HEATR3: variants seen among roughly 807,000 people sequenced by gnomAD.
The protein encoded by HEATR3 is HEAT repeat-containing protein 3.
A neutral mutation model predicts 72.8 loss-of-function variants in HEATR3; 56 were observed. The ratio of observed to expected loss-of-function variants is 0.77; its 90% CI spans 0.62 to 0.96. The LOEUF (loss-of-function observed/expected upper bound fraction) is 0.96. HEATR3 is among the 40% of genes least tolerant of loss of function. The pLI is 0.00. For missense variants in HEATR3, 747 were observed against 831.4 expected (o/e 0.90, Z 1.25); for synonymous variants, 331 against 318.1 (o/e 1.04, Z -0.43).
intron 11 of HEATR3, among the ~76,000 whole-genome samples, chr16:50,092,436 C>CTTTTTTTTTTTTTTTTTTTTTTTTTTTT (rs375532097): frequency 2.8e-5 from 3 of 106,028 alleles, no homozygotes; most frequent in African/African-American, 1.1e-4. Flanking sequence ...TTTCTTTTTT[C>CTTTTTTTTTTTTTTTTTTTTTTTTTTTT]TTTTTTTTTT....
At chr16:50,079,684 C>G (rs766257058) in intron 7 of HEATR3, among the ~76,000 whole-genome samples, 1 of 152,098 alleles carries the variant, frequency 6.6e-6, no homozygotes, top group East Asian at 1.9e-4. Flanking sequence ...AATAGGAAGA[C>G]GGGGCACAGT....
chr16:50,104,344 C>A (rs1567451935), intron 14 of HEATR3, among the ~76,000 whole-genome samples: 1 of 152,158 alleles, frequency 6.6e-6, no homozygotes, highest in African/African-American at 2.4e-5. Flanking sequence ...CAGAGAGAGA[C>A]CCTGTTCCAA....
chr16:50,086,433 T>C (rs2150612549), intron 11 of HEATR3, 82 bp downstream of exon 11: 1 of 1,405,326 alleles, frequency 7.1e-7, no homozygotes, highest in Non-Finnish European at 9.6e-7. Flanking sequence ...TAAATGTATA[T>C]TGTTTGTCAT....
chr16:50,080,839 G>T (rs1032968841), intron 7 of HEATR3, among the ~76,000 whole-genome samples: 3 of 152,050 alleles, frequency 2.0e-5, no homozygotes, highest in African/African-American at 7.2e-5. Context: ...TTTCAGCTGT[G>T]GGCACCATCC....
intron 12 of HEATR3, among the ~76,000 whole-genome samples, chr16:50,098,028 A>G (rs1470421956): frequency 6.6e-6 from 1 of 151,870 alleles, no homozygotes; most frequent in African/African-American, 2.4e-5. Context: ...TCATGTTGCC[A>G]TTGTTTCTAG....
rs1211563867 is a variant in HEATR3 at position 50,105,257 on chromosome 16, G to GT, written c.*197dup. 1 of 497,374 alleles carries GT rather than the reference G, an allele frequency of 2.0e-6. No homozygotes were observed. Among genetic ancestry groups the GT allele is most frequent in the Non-Finnish European group, 3.5e-6 (1 of 289,402 alleles). The allele number at this position is 497,374 out of a possible 1,614,324, so 30.8% of individuals were successfully genotyped here. Reference sequence around the variant, plus strand: ...CCAGCACCTTGGGAGACCGAGGCGGGTGGATCACTTGAGGTCAGGAGTTTG... The same window carrying GT: ...CCAGCACCTTGGGAGACCGAGGCGGGTTGGATCACTTGAGGTCAGGAGTTTG... On this transcript the variant is annotated 3_prime_UTR_variant, in exon 15 of 15. Transcript: ENST00000299192.
chr16:50,098,329 A>G (rs2150626129), intron 12 of HEATR3: 1 of 151,818 alleles, frequency 6.6e-6, no homozygotes, highest in Non-Finnish European at 1.5e-5. Flanking sequence ...TTGGTATACA[A>G]CCCCCCACGC....
chr16:50,092,492 A>C (rs1441125220), intron 11 of HEATR3, among the ~76,000 whole-genome samples: 1 of 127,438 alleles, frequency 7.8e-6, no homozygotes, highest in African/African-American at 3.1e-5. Flanking sequence ...GCTGGAGTGC[A>C]GTGGCGCGAT....
At chr16:50,077,446 C>T (rs770279530) in intron 6 of HEATR3, among the ~76,000 whole-genome samples, 1 of 152,202 alleles carries the variant, frequency 6.6e-6, no homozygotes, top group Non-Finnish European at 1.5e-5. Context: ...TGAGCCACAG[C>T]ACCCAGCCTT....
Position 50,070,211 on chromosome 16 carries a change from C to G in HEATR3, c.433C>G (p.Leu145Val). The change falls in exon 4 of 15, where the codon CTG becomes GTG. Residue 145 changes from leucine (L) to valine (V), a missense_variant. This residue lies in a region of HEATR3 where 586 missense variants were observed against 708.8 expected (regional missense o/e 0.83). Transcript: ENST00000299192. ...TGGACTGGATTCAAATGAGATGTCTCTGCAGGAGAAAAAAGATCAGAACAG... is the reference window on the plus strand; with the variant it reads ...TGGACTGGATTCAAATGAGATGTCTGTGCAGGAGAAAAAAGATCAGAACAG... ...SAGLDSNEMSLQEKKDQNRNS... is the reference protein window; with the variant it reads ...SAGLDSNEMSVQEKKDQNRNS... 6.2e-7 allele frequency: 1 copy of G among 1,607,456 alleles called. No individual in the cohort carries two copies. Among genetic ancestry groups the G allele is most frequent in the South Asian group, 1.1e-5 (1 of 89,982 alleles).
chr16:50,102,669 A>G (rs2037395182), intron 14 of HEATR3, among the ~76,000 whole-genome samples: 1 of 152,210 alleles, frequency 6.6e-6, no homozygotes, highest in African/African-American at 2.4e-5. Flanking sequence ...TCTTTTTTTA[A>G]GTTTAGTAAT....
intron 6 of HEATR3, among the ~76,000 whole-genome samples, chr16:50,077,618 T>G (rs985615417): frequency 6.6e-6 from 1 of 152,200 alleles, no homozygotes; most frequent in Non-Finnish European, 1.5e-5. Flanking sequence ...CACCATTCCT[T>G]GACTCCTCTA....
intron 6 of HEATR3, among the ~76,000 whole-genome samples, chr16:50,077,584 C>T (rs751469639): frequency 3.3e-5 from 5 of 152,146 alleles, no homozygotes; most frequent in Admixed American, 6.5e-5. Context: ...TTTCCCATTT[C>T]CCCTTCCCCC....
At chr16:50,101,733 G>A (rs775322300) in intron 13 of HEATR3, among the ~76,000 whole-genome samples, 9 of 151,882 alleles carry the variant, frequency 5.9e-5, no homozygotes, top group African/African-American at 4.8e-5. Flanking sequence ...GACTAGATTC[G>A]ATTCAGATCA....
rs1336188208 is a variant in HEATR3 at position 50,105,011 on chromosome 16, C to T, written c.1993C>T (p.Arg665Ter). The T allele has an allele frequency of 5.0e-6, 8 of 1,612,836 alleles. No individual in the cohort carries two copies. The highest frequency in any genetic ancestry group is 1.7e-5 in the Admixed American group (1 of 59,822). ...TCTTGACAATGTGAAAATGAATTTG[C>T]GAAGATTTATTGCTTATCAAGAAAC... ...CVLDNVKMNLRRFIAYQETVE... is the reference protein window; with the variant it reads ...CVLDNVKMNL Residue 665 changes from arginine (R) to a stop codon, truncating the protein, a stop_gained, in exon 15 of 15, where the codon CGA (arginine) becomes TGA (stop). Transcript: ENST00000299192. LOFTEE classifies it high-confidence loss of function.
At chr16:50,072,841 G>A in intron 5 of HEATR3, 127 bp downstream of exon 5, 1 of 653,704 alleles carries the variant, frequency 1.5e-6, no homozygotes, top group Non-Finnish European at 2.8e-6. Context: ...GTGTAGCTCA[G>A]CACCTGTTTT....
rs181383734 is a variant in HEATR3 at position 50,086,242 on chromosome 16, C to A, written c.1401C>A (p.Leu467=). 6.3e-7 allele frequency: 1 copy of A among 1,579,582 alleles called. No homozygotes were observed. Among genetic ancestry groups the A allele is most frequent in the Non-Finnish European group, 8.6e-7 (1 of 1,161,160 alleles). The change falls in exon 11 of 15, where the codon CTC becomes CTA. Residue 467 remains leucine (L), a synonymous_variant. Transcript: ENST00000299192. ...TGAACACTATTCAGTGCAGAGCCCTCTTCTGTCTCCAGAGTCTTGTGTCCC... is the reference window on the plus strand; with the variant it reads ...TGAACACTATTCAGTGCAGAGCCCTATTCTGTCTCCAGAGTCTTGTGTCCC... ...RKMNTIQCRA[L]FCLQSLVSLL...
Position 50,066,391 on chromosome 16 carries a change from C to A in HEATR3, c.163C>A (p.Arg55Ser), listed in dbSNP as rs201843444. Residue 55 changes from arginine (R) to serine (S), a missense_variant, in exon 2 of 15, where the codon CGC becomes AGC. Arg to Ser is a moderately radical substitution (Grantham distance 110). Transcript: ENST00000299192. The part of the protein sequence containing the change: ...EKLQHPSAEV[R>S]ECACAGLARL... ...GCTCCAGCACCCGAGCGCCGAGGTC[C>A]GCGAGTGCGCCTGCGCAGGGCTGGC... is the stretch of plus-strand genomic sequence containing the variant. 1 of 1,547,764 alleles carries A rather than the reference C, an allele frequency of 6.5e-7. No homozygotes were observed. Among genetic ancestry groups the A allele is most frequent in the Non-Finnish European group, 8.6e-7 (1 of 1,158,240 alleles).
At chr16:50,087,322 A>G (rs1000042890) in intron 11 of HEATR3, among the ~76,000 whole-genome samples, 1 of 152,222 alleles carries the variant, frequency 6.6e-6, no homozygotes, top group Non-Finnish European at 1.5e-5. Flanking sequence ...GATTAATTTC[A>G]TATGCACACA....
Sources: gnomAD v4.1 joint callset for allele counts (sites outside exome capture counted in the v4.1 genomes callset) on GRCh38, gnomAD v4.1.1 for gene constraint, gnomAD v4.1.1 regional missense constraint, MANE v1.5 for transcripts, NCBI Gene and HGNC (gene_info 2026-07-23, HGNC 2026-07-21) for gene names.